FOXB1: variants seen among roughly 807,000 people sequenced by gnomAD.
FOXB1 encodes the protein forkhead box B1.
In FOXB1, 6 loss-of-function variants were observed where a neutral mutation model predicts 18.6. That is an observed-to-expected ratio of 0.32 (90% CI 0.18 to 0.64). FOXB1 has a LOEUF of 0.64. Ranked by LOEUF, FOXB1 falls within the 30% of genes least tolerant of loss-of-function variation. The probability of loss-of-function intolerance (pLI) is 0.78; values close to 1 mark genes in which losing one functional copy is unlikely to be tolerated. For missense variants in FOXB1, 419 were observed against 463.6 expected (o/e 0.90, Z 0.88); for synonymous variants, 213 against 216.0 (o/e 0.99, Z 0.12).
rs1892080642 is a variant in FOXB1, at chr15:60,005,395, C to T, written c.432C>T (p.Gly144=). Residue 144 remains glycine (G), a synonymous_variant, in exon 2 of 2, where the codon GGC becomes GGT. Transcript: ENST00000396057. This position sits in a 1 kb window ranked among gnomAD's most constrained non-coding sequence, Gnocchi z 9.8. The part of the protein sequence containing the change: ...KLRLSALAAS[G]THLPQMPAAA... The stretch of plus-strand genomic sequence containing the variant: ...GGCTCAGCGCGCTGGCGGCCTCGGG[C>T]ACGCACCTGCCACAGATGCCCGCCG... 6.2e-7 allele frequency: 1 copy of T among 1,601,380 alleles called. No individual in the cohort carries two copies.
At position 60,007,369 on chromosome 15, in the gene FOXB1, T is replaced by TAA. The variant is rs963995091; in HGVS notation, c.*1436_*1437dup. The TAA allele has an allele frequency of 6.6e-6, 1 of 151,016 alleles. No homozygotes were observed. The allele number at this position is 151,016 out of a possible 1,614,324, so 9.4% of individuals were successfully genotyped here. A position where few individuals can be genotyped will look rare whatever the true frequency, so the allele number is the denominator to read the frequency against. ...CATGCCTGTTTTAAAACAAAGGATT[T>TAA]AAAAAAAAAGGGTGTCTACATTAAA... On this transcript the variant is annotated 3_prime_UTR_variant, in exon 2 of 2. Transcript: ENST00000396057.
In FOXB1 at chr15:60,006,827, G is replaced by A. The variant is rs1892105548; in HGVS notation, c.*886G>A. The A allele has an allele frequency of 6.6e-6, 1 of 151,720 alleles. No homozygotes were observed. Among genetic ancestry groups the A allele is most frequent in the South Asian group, 2.1e-4 (1 of 4,822 alleles). 9.4% of individuals were successfully genotyped at this position (151,720 alleles called of 1,614,324 possible). ...CTTCATTTCTGGCCAGGTTTAGAAA[G>A]GGAGGGAAGTGGGGATGGGAAAGTT... On this transcript the variant is annotated 3_prime_UTR_variant, in exon 2 of 2. Coordinates refer to ENST00000396057, the MANE Select transcript of FOXB1 (RefSeq NM_012182.3).
Position 60,004,942 on chromosome 15 carries a change from C to CAAGAAGAGGGCGAGG in FOXB1, c.-14_1dup. 2 of 1,598,668 alleles carry CAAGAAGAGGGCGAGG rather than the reference C, an allele frequency of 1.3e-6. No homozygotes were observed. Among genetic ancestry groups the CAAGAAGAGGGCGAGG allele is most frequent in the South Asian group, 1.1e-5 (1 of 88,460 alleles). On this transcript the variant is annotated 5_prime_UTR_variant, in exon 2 of 2. Transcript: ENST00000396057. ...TCCGCCGGCCCGCGCGGACCCAGAG[C>CAAGAAGAGGGCGAGG]AAGAAGAGGGCGAGGAAGAAGATGC...
rs1595781355 is a variant in FOXB1 at position 60,006,851 on chromosome 15, T to G, written c.*910T>G. The G allele has an allele frequency of 6.6e-6, 1 of 150,504 alleles. No homozygotes were observed. Among genetic ancestry groups the G allele is most frequent in the South Asian group, 2.1e-4 (1 of 4,764 alleles). The allele number at this position is 150,504 out of a possible 1,614,324, so 9.3% of individuals were successfully genotyped here. A position where few individuals can be genotyped will look rare whatever the true frequency, so the allele number is the denominator to read the frequency against. ...AGGGAGGGAAGTGGGGATGGGAAAG[T>G]TAATTGGGATGTTAACTTTCCGATG... On this transcript the variant is annotated 3_prime_UTR_variant, in exon 2 of 2. Transcript: ENST00000396057.
chr15:60,005,205 C>A lies in FOXB1; in HGVS notation c.242C>A (p.Pro81Gln). ...FIKIPRRPDQ[P>Q]GKGSFWALHP... The stretch of plus-strand genomic sequence containing the variant: ...AAGATCCCGCGGCGGCCGGACCAGC[C>A]AGGCAAGGGCAGCTTCTGGGCGCTG... The change falls in exon 2 of 2, where the codon CCA (proline) becomes CAA (glutamine). Residue 81 changes from proline (P) to glutamine (Q), a missense_variant. By Grantham distance (76) the Pro-to-Gln change is moderately conservative (BLOSUM62 -1). Coordinates refer to ENST00000396057, the MANE Select transcript of FOXB1 (RefSeq NM_012182.3). This position sits in a 1 kb window ranked among gnomAD's most constrained non-coding sequence, Gnocchi z 9.8. The A allele has an allele frequency of 1.9e-6, 3 of 1,614,194 alleles. No individual in the cohort carries two copies. Among genetic ancestry groups the A allele is most frequent in the Non-Finnish European group, 2.5e-6 (3 of 1,180,048 alleles).
rs1431839290 is a variant in FOXB1, at chr15:60,004,378, G to C, written c.-323G>C. 6.6e-6 allele frequency: 1 copy of C among 152,318 alleles called. No homozygotes were observed. Among genetic ancestry groups the C allele is most frequent in the Non-Finnish European group, 1.5e-5 (1 of 68,198 alleles). The allele number at this position is 152,318 out of a possible 1,614,324, so 9.4% of individuals were successfully genotyped here. A position where few individuals can be genotyped will look rare whatever the true frequency, so the allele number is the denominator to read the frequency against. ...CAGCGGAGACGCGGAGCCCACAGCA[G>C]CGCCCTCCGGAGCCCTAACACGTCG... On this transcript the variant is annotated 5_prime_UTR_variant, in exon 1 of 2. Coordinates refer to ENST00000396057, the MANE Select transcript of FOXB1 (RefSeq NM_012182.3).
chr15:60,004,567 C>G lies in FOXB1; in HGVS notation c.-134C>G, dbSNP rs1892066331. 1 of 168,008 alleles carries G rather than the reference C, an allele frequency of 6.0e-6. No homozygotes were observed. The highest frequency in any genetic ancestry group is 1.3e-5 in the Non-Finnish European group (1 of 79,044). 10.4% of individuals were successfully genotyped at this position (168,008 alleles called of 1,614,324 possible). A position where few individuals can be genotyped will look rare whatever the true frequency, so the allele number is the denominator to read the frequency against. ...CGGACGCTGCGCGCGGAGTGCGCGT[C>G]GAGTGCGCGCCGAGAGAGAAGCGGC... On this transcript the variant is annotated 5_prime_UTR_variant, in exon 1 of 2. Coordinates refer to ENST00000396057, the MANE Select transcript of FOXB1 (RefSeq NM_012182.3).
Position 60,005,545 on chromosome 15 carries a change from G to GC in FOXB1, c.585dup (p.Ala196ArgfsTer69), listed in dbSNP as rs779492021. ...TGGCCTTCTCCGCCATGCAGCCGGT[G>GC]CCCGCTGCCTACCCGCTCCCCAACC... On this transcript the variant is annotated frameshift_variant, in exon 2 of 2. Transcript: ENST00000396057. LOFTEE classifies it high-confidence loss of function. The surrounding 1 kb of genome is among the most constrained non-coding windows in gnomAD (Gnocchi z 9.8). The GC allele has an allele frequency of 6.2e-7, 1 of 1,609,742 alleles. No homozygotes were observed. The highest frequency in any genetic ancestry group is 1.1e-5 in the South Asian group (1 of 90,564).
rs1892080451 is a variant in FOXB1, at chr15:60,005,387, G to C, written c.424G>C (p.Ala142Pro). 1 of 1,600,382 alleles carries C rather than the reference G, an allele frequency of 6.2e-7. No individual in the cohort carries two copies. Among genetic ancestry groups the C allele is most frequent in the Non-Finnish European group, 8.5e-7 (1 of 1,174,890 alleles). ...QAKLRLSALA[A>P]SGTHLPQMPA... ...CAAGCTGCGGCTCAGCGCGCTGGCG[G>C]CCTCGGGCACGCACCTGCCACAGAT... Residue 142 changes from alanine (A) to proline (P), a missense_variant, in exon 2 of 2, where the codon GCC becomes CCC. By Grantham distance (27) the Ala-to-Pro change is conservative. Coordinates refer to ENST00000396057, the MANE Select transcript of FOXB1 (RefSeq NM_012182.3). This position sits in a 1 kb window ranked among gnomAD's most constrained non-coding sequence, Gnocchi z 9.8.
Position 60,006,163 on chromosome 15 carries a change from A to C in FOXB1, c.*222A>C. The C allele has an allele frequency of 1.8e-6, 1 of 566,992 alleles. No individual in the cohort carries two copies. The highest frequency in any genetic ancestry group is 2.7e-5 in the South Asian group (1 of 36,428). 35.1% of individuals were successfully genotyped at this position (566,992 alleles called of 1,614,324 possible). On this transcript the variant is annotated 3_prime_UTR_variant, in exon 2 of 2. Transcript: ENST00000396057. ...GCGCGTGGGAGTTGTCCTCGCCCCC[A>C]CATCAAGGAAGGCCGGGGCCACCTG...
Position 60,006,038 on chromosome 15 carries a change from C to T in FOXB1, c.*97C>T. On this transcript the variant is annotated 3_prime_UTR_variant, in exon 2 of 2. Coordinates refer to ENST00000396057, the MANE Select transcript of FOXB1 (RefSeq NM_012182.3). ...GCCGGCCCCCACCTGGGACCGCCAC[C>T]CTAACTTGTTCATTTCACCTTCGGC... The T allele has an allele frequency of 1.4e-6, 2 of 1,383,128 alleles. No individual in the cohort carries two copies. The highest frequency in any genetic ancestry group is 1.9e-6 in the Non-Finnish European group (2 of 1,046,238). The allele number at this position is 1,383,128 out of a possible 1,614,324, so 85.7% of individuals were successfully genotyped here.
At position 60,005,836 on chromosome 15, in the gene FOXB1, C is replaced by T. The variant is rs1404080644; in HGVS notation, c.873C>T (p.Leu291=). ...TGCTCTCGAACTCGCCGCCCTCGCT[C>T]AGCCCCACGTCCTCGCAAACAGCCA... The part of the protein sequence containing the change: ...PTLLSNSPPS[L]SPTSSQTATS... Residue 291 remains leucine, a synonymous_variant, in exon 2 of 2, where the codon CTC becomes CTT. Transcript: ENST00000396057. This position sits in a 1 kb window ranked among gnomAD's most constrained non-coding sequence, Gnocchi z 9.8. 28 of 1,603,948 alleles carry T rather than the reference C, an allele frequency of 1.7e-5. No homozygotes were observed. In the East Asian group the frequency reaches 5.6e-4, roughly 32 times the overall value.
At chr15:60,004,768 C>A (rs559155534) in intron 1 of FOXB1, 125 bp downstream of exon 1, 1 of 595,610 alleles carries the variant, frequency 1.7e-6, no homozygotes, top group Non-Finnish European at 2.9e-6. Context: ...AAGTTGCTGG[C>A]GAAAGAGTCC....
In FOXB1 at chr15:60,005,826, C is replaced by T. The variant is rs1172775348; in HGVS notation, c.863C>T (p.Pro288Leu). 1.2e-6 allele frequency: 2 copies of T among 1,605,220 alleles called. No homozygotes were observed. Among genetic ancestry groups the T allele is most frequent in the Middle Eastern group, 1.7e-4 (1 of 6,046 alleles). ...APIPTLLSNS[P>L]PSLSPTSSQT... ...ATCCCCACCTTGCTCTCGAACTCGC[C>T]GCCCTCGCTCAGCCCCACGTCCTCG... The change falls in exon 2 of 2, where the codon CCG becomes CTG. Residue 288 changes from proline (P) to leucine (L), a missense_variant. Transcript: ENST00000396057. The surrounding 1 kb of genome is among the most constrained non-coding windows in gnomAD (Gnocchi z 9.8).
chr15:60,005,104 C>T lies in FOXB1; in HGVS notation c.141C>T (p.Phe47=), dbSNP rs1238001291. The change falls in exon 2 of 2, where the codon TTC becomes TTT. Residue 47 remains phenylalanine (F), a synonymous_variant. Transcript: ENST00000396057. The surrounding 1 kb of genome is among the most constrained non-coding windows in gnomAD (Gnocchi z 9.8). The stretch of plus-strand genomic sequence containing the variant: ...TCTACAAGTTCATCATGGACCGCTT[C>T]CCCTACTACAGGGAGAACACGCAGC... ...SEIYKFIMDR[F]PYYRENTQRW... The T allele has an allele frequency of 2.5e-6, 4 of 1,614,080 alleles. No individual in the cohort carries two copies. Among genetic ancestry groups the T allele is most frequent in the African/African-American group, 1.3e-5 (1 of 74,922 alleles).
Position 60,005,129 on chromosome 15 carries a change from C to T in FOXB1, c.166C>T (p.Arg56Cys). 6.2e-7 allele frequency: 1 copy of T among 1,614,216 alleles called. No individual in the cohort carries two copies. The change falls in exon 2 of 2, where the codon CGC becomes TGC. Residue 56 changes from arginine (R) to cysteine (C), a missense_variant. Transcript: ENST00000396057. The surrounding 1 kb of genome is among the most constrained non-coding windows in gnomAD (Gnocchi z 9.8). ...RFPYYRENTQ[R>C]WQNSLRHNLS... Reference sequence around the variant, plus strand: ...CCCCTACTACAGGGAGAACACGCAGCGCTGGCAGAACAGTCTGCGCCACAA... The same window carrying T: ...CCCCTACTACAGGGAGAACACGCAGTGCTGGCAGAACAGTCTGCGCCACAA...
At position 60,005,294 on chromosome 15, in the gene FOXB1, G is replaced by T; in HGVS notation, c.331G>T (p.Val111Leu). Reference sequence around the variant, plus strand: ...CCTGCGGCGCCGCAAGCGCTTCAAGGTGCTTAAGTCCGACCACCTGGCGCC... The same window carrying T: ...CCTGCGGCGCCGCAAGCGCTTCAAGTTGCTTAAGTCCGACCACCTGGCGCC... ...SFLRRRKRFK[V>L]LKSDHLAPSK... The change falls in exon 2 of 2, where the codon GTG becomes TTG. Residue 111 changes from valine to leucine, a missense_variant. Physicochemically the swap from Val to Leu is conservative, Grantham distance 32. This residue lies in a region of FOXB1 where 153 missense variants were observed against 173.8 expected (regional missense o/e 0.88). Coordinates refer to ENST00000396057, the MANE Select transcript of FOXB1 (RefSeq NM_012182.3). This position sits in a 1 kb window ranked among gnomAD's most constrained non-coding sequence, Gnocchi z 9.8. The T allele has an allele frequency of 6.2e-7, 1 of 1,613,212 alleles. No homozygotes were observed. Among genetic ancestry groups the T allele is most frequent in the Non-Finnish European group, 8.5e-7 (1 of 1,179,916 alleles).
Position 60,004,449 on chromosome 15 carries a change from G to T in FOXB1, c.-252G>T, listed in dbSNP as rs940651585. ...ACTCCGCAGCCGAGCTCGGCCGCCC[G>T]CAGGACGCTCCAGGAGCGTCGCGGA... On this transcript the variant is annotated 5_prime_UTR_variant, in exon 1 of 2. Coordinates refer to ENST00000396057, the MANE Select transcript of FOXB1 (RefSeq NM_012182.3). 1 of 152,062 alleles carries T rather than the reference G, an allele frequency of 6.6e-6. No individual in the cohort carries two copies. Among genetic ancestry groups the T allele is most frequent in the Admixed American group, 6.5e-5 (1 of 15,284 alleles). 9.4% of individuals were successfully genotyped at this position (152,062 alleles called of 1,614,324 possible).
In FOXB1 at chr15:60,006,804, T is replaced by C. The variant is rs1892105285; in HGVS notation, c.*863T>C. ...CTGTTGTAATGTGAATGTTTACTCT[T>C]CATTTCTGGCCAGGTTTAGAAAGGG... On this transcript the variant is annotated 3_prime_UTR_variant, in exon 2 of 2. Transcript: ENST00000396057. 6.6e-6 allele frequency: 1 copy of C among 152,094 alleles called. No homozygotes were observed. The highest frequency in any genetic ancestry group is 6.5e-5 in the Admixed American group (1 of 15,284). The allele number at this position is 152,094 out of a possible 1,614,324, so 9.4% of individuals were successfully genotyped here.
Sources: allele counts gnomAD v4.1 joint callset, GRCh38; gene constraint gnomAD v4.1.1; regional missense constraint gnomAD v4.1.1; non-coding constraint Gnocchi (gnomAD v3.1); transcripts MANE v1.5; gene names NCBI Gene and HGNC (gene_info 2026-07-23, HGNC 2026-07-21).